The following RBFOX1 variants were observed in gnomAD, a reference collection of about 807,000 sequenced individuals.
RBFOX1 encodes RNA binding fox-1 homolog 1.
Under a neutral mutation model 57.7 loss-of-function variants are expected in RBFOX1, and 8 were observed. The ratio of observed to expected loss-of-function variants is 0.14; its 90% CI spans 0.08 to 0.25. The LOEUF (loss-of-function observed/expected upper bound fraction) is 0.25, where lower values mean the gene tolerates loss of function less well. Ranked by LOEUF, RBFOX1 falls within the 10% of genes least tolerant of loss-of-function variation. RBFOX1 has a pLI of 1.00. For missense variants in RBFOX1, 611 were observed against 548.5 expected (o/e 1.11, Z -1.14); for synonymous variants, 326 against 222.4 (o/e 1.47, Z -4.15).
intron 1 of RBFOX1, among the ~76,000 whole-genome samples, chr16:6,202,863 C>G (rs973684073): frequency 6.6e-6 from 1 of 152,140 alleles, no homozygotes; most frequent in Non-Finnish European, 1.5e-5. Flanking sequence ...TCAGAGCTCA[C>G]GGCAGCTCAA....
At chr16:6,500,927 G>T (rs1311753755) in intron 2 of RBFOX1, among the ~76,000 whole-genome samples, 2 of 32,696 alleles carry the variant, frequency 6.1e-5, no homozygotes, top group Non-Finnish European at 1.7e-4. Context: ...TCTGTCCCTT[G>T]TTAAGTTTTG....
At chr16:5,447,557 C>T (rs990597019) in intron 1 of RBFOX1, among the ~76,000 whole-genome samples, 14 of 152,142 alleles carry the variant, frequency 9.2e-5, no homozygotes, top group Admixed American at 4.6e-4. Context: ...GCCACCACGC[C>T]CCCCTAATTT....
chr16:6,341,937 G>C (rs375488171), intron 2 of RBFOX1, among the ~76,000 whole-genome samples: 1 of 152,144 alleles, frequency 6.6e-6, no homozygotes, highest in African/African-American at 2.4e-5. Context: ...AATTTCTTGC[G>C]TAAGGTCAAC....
intron 3 of RBFOX1, among the ~76,000 whole-genome samples, chr16:6,912,865 T>C (rs6500873): frequency 0.81 from 122,642 of 151,722 alleles, 50,353 homozygotes; most frequent in African/African-American, 0.95. Flanking sequence ...AGTGATCCTC[T>C]TGCCTTGACC....
intron 3 of RBFOX1, among the ~76,000 whole-genome samples, chr16:7,048,720 G>A (rs1233128424): frequency 6.6e-6 from 1 of 152,126 alleles, no homozygotes; most frequent in Non-Finnish European, 1.5e-5. Flanking sequence ...TGATGTTGGT[G>A]TCTGTGAATG....
At chr16:6,357,407 A>G (rs2087544854) in intron 2 of RBFOX1, among the ~76,000 whole-genome samples, 1 of 151,618 alleles carries the variant, frequency 6.6e-6, no homozygotes, top group Admixed American at 6.6e-5. Flanking sequence ...TATTCCCCGG[A>G]CTCCTCAGAA....
At chr16:5,923,906 C>T (rs1374183652) in intron 4 of RBFOX1, among the ~76,000 whole-genome samples, 1 of 152,120 alleles carries the variant, frequency 6.6e-6, no homozygotes, top group Non-Finnish European at 1.5e-5. Flanking sequence ...ACCTTCCTGG[C>T]TTTCCTACTG....
chr16:6,121,057 C>T (rs1290689209), intron 1 of RBFOX1, among the ~76,000 whole-genome samples: 1 of 152,086 alleles, frequency 6.6e-6, no homozygotes, highest in Non-Finnish European at 1.5e-5. Flanking sequence ...CATGTGTGTC[C>T]TAATATTACA....
chr16:5,354,975 G>A (rs1322761556), intron 1 of RBFOX1, among the ~76,000 whole-genome samples: 1 of 150,324 alleles, frequency 6.7e-6, no homozygotes, highest in African/African-American at 2.4e-5. Context: ...ATCAGCAGAG[G>A]TTGGAAGGGG....
chr16:6,544,265 T>C (rs116510182), intron 2 of RBFOX1, among the ~76,000 whole-genome samples: 172 of 152,258 alleles, frequency 1.1e-3, no homozygotes, highest in African/African-American at 4.0e-3. Context: ...ACCACAGGTG[T>C]GGTTGCAAGA....
intron 12 of RBFOX1, among the ~76,000 whole-genome samples, chr16:7,663,165 G>T (rs1332609648): frequency 2.6e-5 from 4 of 152,132 alleles, no homozygotes; most frequent in Non-Finnish European, 4.4e-5. Context: ...CTTGGCAGAG[G>T]GTGGCTCTGC....
chr16:5,371,246 G>C (rs540048490), intron 1 of RBFOX1, among the ~76,000 whole-genome samples: 4 of 152,320 alleles, frequency 2.6e-5, no homozygotes, highest in Admixed American at 2.6e-4. Flanking sequence ...CCTGTGCCCA[G>C]CCAGAATGTG....
At chr16:7,144,725 T>A (rs2074581960) in intron 4 of RBFOX1, among the ~76,000 whole-genome samples, 1 of 152,092 alleles carries the variant, frequency 6.6e-6, no homozygotes, top group Admixed American at 6.6e-5. Context: ...ATAGTCTCCC[T>A]CCCACCTACA....
rs2095567944 is a variant in RBFOX1, at chr16:6,052,801, AAATATAAT to A, written c.-127+32814_-127+32821del. Among the ~76,000 whole-genome samples, 4 of 85,906 alleles carry A rather than the reference AAATATAAT, an allele frequency of 4.7e-5. No individual in the cohort carries two copies. The Admixed American group carries it at 5.9e-4, about 13-fold the overall frequency. The allele number at this position is 85,906 out of a possible 152,430, so 56.4% of individuals were successfully genotyped here. A position where few individuals can be genotyped will look rare whatever the true frequency, so the allele number is the denominator to read the frequency against. Reference sequence around the variant, plus strand: ...TCCGTCTCAAAAAATAAATAAAATAAAATATAATAATAATAATAATAATAATAATAATA... The same window carrying A: ...TCCGTCTCAAAAAATAAATAAAATAAAATAATAATAATAATAATAATAATA... On this transcript the variant is annotated intron_variant, in intron 1 of 15. Transcript: ENST00000550418.
At chr16:7,150,378 G>C (rs1329119841) in intron 4 of RBFOX1, among the ~76,000 whole-genome samples, 1 of 152,110 alleles carries the variant, frequency 6.6e-6, no homozygotes, top group African/African-American at 2.4e-5. Context: ...TATGATTTGA[G>C]ATTATTTGAG....
intron 2 of RBFOX1, among the ~76,000 whole-genome samples, chr16:6,616,023 T>C (rs1601619570): frequency 6.6e-6 from 1 of 152,306 alleles, no homozygotes; most frequent in South Asian, 2.1e-4. Context: ...GCAGGGACAC[T>C]GCCCAGTTTT....
At chr16:5,261,760 C>T (rs2062739399) in intron 1 of RBFOX1, among the ~76,000 whole-genome samples, 1 of 152,070 alleles carries the variant, frequency 6.6e-6, no homozygotes. Context: ...CCGTGTTAGC[C>T]AGGATGGTCT....
intron 3 of RBFOX1, among the ~76,000 whole-genome samples, chr16:6,932,821 C>G (rs1011001119): frequency 8.5e-5 from 13 of 152,242 alleles, no homozygotes; most frequent in African/African-American, 2.9e-4. Flanking sequence ...TGTTGTGTAA[C>G]CATGGCCACT....
At chr16:6,435,191 T>C (rs1338034756) in intron 2 of RBFOX1, among the ~76,000 whole-genome samples, 1 of 152,260 alleles carries the variant, frequency 6.6e-6, no homozygotes, top group Non-Finnish European at 1.5e-5. Context: ...AGGATCACCT[T>C]TACTCATTCA....
Sources: gnomAD v4.1 joint callset for allele counts (sites outside exome capture counted in the v4.1 genomes callset) on GRCh38, gnomAD v4.1.1 for gene constraint, MANE v1.5 for transcripts, NCBI Gene and HGNC (gene_info 2026-07-23, HGNC 2026-07-21) for gene names.